The following FCHSD2 variants were observed in gnomAD, a reference collection of about 807,000 sequenced individuals.
FCHSD2 encodes the protein FCH and double SH3 domains 2.
A neutral mutation model predicts 108.1 loss-of-function variants in FCHSD2; 38 were observed. That is an observed-to-expected ratio of 0.35 (90% CI 0.27 to 0.46). FCHSD2 has a LOEUF of 0.46. Among genes scored for constraint, FCHSD2 ranks in the 20% least tolerant of loss-of-function variants. The pLI is 1.00. For synonymous variants in FCHSD2, 279 were observed against 314.7 expected (o/e 0.89, Z 1.20); for missense variants, 751 against 897.8 (o/e 0.84, Z 2.09).
intron 3 of FCHSD2, among the ~76,000 whole-genome samples, chr11:73,033,877 C>A (rs1214207760): frequency 6.6e-6 from 1 of 152,020 alleles, no homozygotes; most frequent in African/African-American, 2.4e-5. Context: ...TATTTGATGA[C>A]GTGACTTGAA....
intron 2 of FCHSD2, among the ~76,000 whole-genome samples, chr11:73,092,805 G>A (rs557111516): frequency 1.3e-5 from 2 of 152,164 alleles, no homozygotes; most frequent in East Asian, 1.9e-4. Context: ...GGAGGGCATC[G>A]GAGTATACAG....
intron 2 of FCHSD2, among the ~76,000 whole-genome samples, chr11:73,122,981 T>C (rs1193802639): frequency 6.6e-6 from 1 of 152,212 alleles, no homozygotes; most frequent in African/African-American, 2.4e-5. Flanking sequence ...TGAACATTTA[T>C]ACAACTGTAA....
chr11:72,887,567 T>C lies in FCHSD2; in HGVS notation c.1049A>G (p.Asn350Ser), dbSNP rs368407877. 2 of 1,562,020 alleles carry C rather than the reference T, an allele frequency of 1.3e-6. No homozygotes were observed. The change falls in exon 12 of 20, where the codon AAT becomes AGT. Residue 350 changes from asparagine (N) to serine (S), a missense_variant. Physicochemically the swap from Asn to Ser is conservative, Grantham distance 46. Coordinates refer to ENST00000409418, the MANE Select transcript of FCHSD2 (RefSeq NM_014824.3). ...KNIVHQQRVL[N>S]DLECHGAAVS... The stretch of plus-strand genomic sequence containing the variant: ...AGCAGCTCCATGACACTCCAGATCA[T>C]TTAGAACCTATTAAAGAAAATGGGA...
intron 2 of FCHSD2, among the ~76,000 whole-genome samples, chr11:73,086,573 AACACAG>A (rs1266178434): frequency 6.6e-6 from 1 of 152,216 alleles, no homozygotes; most frequent in Non-Finnish European, 1.5e-5. Context: ...GTAGAAAAAT[AACACAG>A]AAAATCAATG....
chr11:73,120,195 G>T (rs1043306922), intron 2 of FCHSD2, among the ~76,000 whole-genome samples: 4 of 151,950 alleles, frequency 2.6e-5, no homozygotes, highest in Admixed American at 1.3e-4. Context: ...TTCAGGATGA[G>T]ATTTGGGTGG....
chr11:73,055,343 GA>G (rs11299720), intron 3 of FCHSD2, among the ~76,000 whole-genome samples: 99,195 of 144,652 alleles, frequency 0.69, 34,498 homozygotes, highest in South Asian at 0.84. Context: ...ACCCTGTCTC[GA>G]AAAAAAAAAA....
At chr11:73,008,784 G>C (rs992352113) in intron 4 of FCHSD2, among the ~76,000 whole-genome samples, 3 of 152,116 alleles carry the variant, frequency 2.0e-5, no homozygotes, top group African/African-American at 4.8e-5. Flanking sequence ...ATAGCAGATG[G>C]AATTGTGAAA....
intron 3 of FCHSD2, among the ~76,000 whole-genome samples, chr11:73,030,901 C>G (rs1858343839): frequency 6.6e-6 from 1 of 152,066 alleles, no homozygotes; most frequent in Non-Finnish European, 1.5e-5. Flanking sequence ...TCATGATACA[C>G]ATTATATCTC....
intron 9 of FCHSD2, among the ~76,000 whole-genome samples, chr11:72,913,690 T>C (rs1293052419): frequency 2.0e-5 from 3 of 152,202 alleles, no homozygotes; most frequent in Non-Finnish European, 4.4e-5. Flanking sequence ...CTTCTGATTT[T>C]ATTTATTTGG....
intron 2 of FCHSD2, among the ~76,000 whole-genome samples, chr11:73,135,068 G>C (rs997046912): frequency 3.3e-4 from 51 of 152,286 alleles, no homozygotes; most frequent in Non-Finnish European, 3.7e-4. Flanking sequence ...TGGCCAGGCT[G>C]GTCTCGAACT....
intron 3 of FCHSD2, among the ~76,000 whole-genome samples, chr11:73,070,991 C>A (rs1045607840): frequency 6.6e-6 from 1 of 152,166 alleles, no homozygotes; most frequent in Non-Finnish European, 1.5e-5. Context: ...GGCCTTTACA[C>A]ATGTTTTATT....
chr11:72,867,676 T>C (rs934676420), intron 13 of FCHSD2, among the ~76,000 whole-genome samples, 189 bp downstream of exon 13: 3 of 152,112 alleles, frequency 2.0e-5, no homozygotes, highest in Admixed American at 2.0e-4. Context: ...AAAAAAACAC[T>C]CATTTTTTCC....
rs1440486899 is a variant in FCHSD2, at chr11:72,958,536, AAAC to A, written c.705+25549_705+25551del. 8.5e-5 allele frequency among the ~76,000 whole-genome samples: 13 copies of A among 152,296 alleles called. 2 individuals carry two copies. Among genetic ancestry groups the A allele is most frequent in the African/African-American group, 2.4e-4 (10 of 41,552 alleles). On this transcript the variant is annotated intron_variant, in intron 8 of 19. Transcript: ENST00000409418. ...CATCTCAAAAAAACAAAACAAAACA[AAAC>A]AACAACAAAAAACAGTTGTTGGATT...
chr11:73,054,762 A>C (rs962582466), intron 3 of FCHSD2, among the ~76,000 whole-genome samples: 1 of 151,826 alleles, frequency 6.6e-6, no homozygotes, highest in Non-Finnish European at 1.5e-5. Context: ...TGCAGCCTTG[A>C]CCTCCTGGTC....
intron 8 of FCHSD2, among the ~76,000 whole-genome samples, chr11:72,969,121 TCTC>T (rs1302066317): frequency 3.3e-5 from 5 of 152,184 alleles, no homozygotes; most frequent in Non-Finnish European, 7.3e-5. Context: ...ACTCCAGATG[TCTC>T]CTCCTCATTG....
At chr11:72,904,171 T>C (rs1196969439) in intron 9 of FCHSD2, among the ~76,000 whole-genome samples, 5 of 152,182 alleles carry the variant, frequency 3.3e-5, no homozygotes, top group Non-Finnish European at 5.9e-5. Context: ...GAAGGCTGGC[T>C]GAATAAACAT....
At position 73,130,532 on chromosome 11, in the gene FCHSD2, T is replaced by C. The variant is rs116667893; in HGVS notation, c.119+9499A>G. Among the ~76,000 whole-genome samples the C allele has an allele frequency of 1.2e-3, 178 of 152,366 alleles. 1 individual carries two copies. Among genetic ancestry groups the C allele is most frequent in the African/African-American group, 4.1e-3 (171 of 41,586 alleles). ...TATCTTCACCTGCCTTGGGCTGCAATGGCTGTCCCATTCAGAAAAGAATCT... is the reference window on the plus strand; with the variant it reads ...TATCTTCACCTGCCTTGGGCTGCAACGGCTGTCCCATTCAGAAAAGAATCT... On this transcript the variant is annotated intron_variant, in intron 2 of 19. Coordinates refer to ENST00000409418, the MANE Select transcript of FCHSD2 (RefSeq NM_014824.3).
chr11:73,114,943 C>T (rs143701055), intron 2 of FCHSD2, among the ~76,000 whole-genome samples: 1 of 152,342 alleles, frequency 6.6e-6, no homozygotes, highest in Non-Finnish European at 1.5e-5. Flanking sequence ...CTCACTAGGT[C>T]ATGTGCCCCA....
intron 5 of FCHSD2, among the ~76,000 whole-genome samples, chr11:72,991,580 T>C (rs996007202): frequency 1.3e-5 from 2 of 152,070 alleles, no homozygotes. Context: ...GTGGGCTTCA[T>C]CCCTGGGATG....
Sources: allele counts gnomAD v4.1 joint callset (sites outside exome capture counted in the v4.1 genomes callset), GRCh38; gene constraint gnomAD v4.1.1; transcripts MANE v1.5; gene names NCBI Gene and HGNC (gene_info 2026-07-23, HGNC 2026-07-21).